AFF3: variants seen among roughly 807,000 people sequenced by gnomAD.
AFF3 encodes ALF transcription elongation factor 3.
AFF3 carries 32 observed loss-of-function variants against 129.7 expected under a neutral mutation model. The observed-to-expected ratio is 0.25, with a 90% CI of 0.19 to 0.33. AFF3 has a LOEUF of 0.33. Among genes scored for constraint, AFF3 ranks in the 10% least tolerant of loss-of-function variants. The probability of loss-of-function intolerance (pLI) is 1.00; values close to 1 mark genes in which losing one functional copy is unlikely to be tolerated. For synonymous variants in AFF3, 644 were observed against 635.4 expected (o/e 1.01, Z -0.20); for missense variants, 1,373 against 1,592.0 (o/e 0.86, Z 2.34).
chr2:99,832,117 C>T (rs976108639), intron 8 of AFF3, among the ~76,000 whole-genome samples: 10 of 152,172 alleles, frequency 6.6e-5, no homozygotes, highest in Non-Finnish European at 1.0e-4. Context: ...ACAAACGCCC[C>T]GTGAAAAGAT....
chr2:99,747,625 T>C (rs1412157549), intron 9 of AFF3, among the ~76,000 whole-genome samples: 1 of 152,218 alleles, frequency 6.6e-6, no homozygotes, highest in East Asian at 1.9e-4. Flanking sequence ...TAGTAAACTT[T>C]AAATTTTAAC....
intron 13 of AFF3, among the ~76,000 whole-genome samples, chr2:99,619,245 T>C (rs147137891): frequency 6.6e-6 from 1 of 152,352 alleles, no homozygotes; most frequent in African/African-American, 2.4e-5. Flanking sequence ...GCTCTGAATG[T>C]CAGCAGCATG....
intron 8 of AFF3, 136 bp downstream of exon 8, chr2:99,837,341 C>G (rs1688955848): frequency 1.2e-6 from 1 of 821,324 alleles, no homozygotes; most frequent in South Asian, 1.8e-5. Context: ...GTTTCAAAAA[C>G]TTATGTGACT....
chr2:99,574,092 G>C (rs1169085290), intron 18 of AFF3, among the ~76,000 whole-genome samples: 1 of 152,214 alleles, frequency 6.6e-6, no homozygotes, highest in African/African-American at 2.4e-5. Flanking sequence ...GTAACTTACA[G>C]CTCATGGCTT....
chr2:99,982,570 G>C (rs1679506146), intron 7 of AFF3, among the ~76,000 whole-genome samples: 1 of 152,164 alleles, frequency 6.6e-6, no homozygotes, highest in Non-Finnish European at 1.5e-5. Context: ...ATCCAGCTTA[G>C]GAGCTTAGGC....
At chr2:100,073,103 A>G (rs999581998) in intron 4 of AFF3, among the ~76,000 whole-genome samples, 1 of 152,196 alleles carries the variant, frequency 6.6e-6, no homozygotes, top group Non-Finnish European at 1.5e-5. Flanking sequence ...ATGCTGTTAC[A>G]GGTTGAATTG....
chr2:100,073,797 T>C (rs1309999733), intron 4 of AFF3, among the ~76,000 whole-genome samples: 1 of 152,214 alleles, frequency 6.6e-6, no homozygotes, highest in African/African-American at 2.4e-5. Flanking sequence ...GTTTATTCTT[T>C]GCCTGTGAAA....
intron 2 of AFF3, among the ~76,000 whole-genome samples, chr2:100,110,777 C>A (rs1691486192): frequency 6.6e-6 from 1 of 152,234 alleles, no homozygotes; most frequent in African/African-American, 2.4e-5. Context: ...GCCCACCCAA[C>A]ATCCATCTGC....
Position 99,548,826 on chromosome 2 carries a change from A to G in AFF3, c.*2648T>C, listed in dbSNP as rs571647080. 6.0e-5 allele frequency: 14 copies of G among 232,694 alleles called. No individual in the cohort carries two copies. The highest frequency in any genetic ancestry group is 2.6e-4 in the African/African-American group (12 of 45,434). 14.4% of individuals were successfully genotyped at this position (232,694 alleles called of 1,614,324 possible). The stretch of plus-strand genomic sequence containing the variant: ...TTATGAATGACTTTCACAAGCAACA[A>G]TTGGAGGATGGTTACTAACCAAAAT... On this transcript the variant is annotated 3_prime_UTR_variant, in exon 25 of 25. Coordinates refer to ENST00000672756, the MANE Select transcript of AFF3 (RefSeq NM_001386135.1).
At chr2:100,080,064 C>A (rs1366121238) in intron 4 of AFF3, among the ~76,000 whole-genome samples, 1 of 152,218 alleles carries the variant, frequency 6.6e-6, no homozygotes, top group Non-Finnish European at 1.5e-5. Flanking sequence ...AGAATAAGAA[C>A]CAGAATTTAC....
intron 8 of AFF3, among the ~76,000 whole-genome samples, chr2:99,826,344 A>T (rs10176488): frequency 1.9e-3 from 285 of 152,284 alleles, no homozygotes; most frequent in African/African-American, 6.6e-3. Flanking sequence ...ACATCAACTA[A>T]GTGCCGGTCA....
At chr2:99,921,689 G>T (rs958159237) in intron 7 of AFF3, among the ~76,000 whole-genome samples, 1 of 151,986 alleles carries the variant, frequency 6.6e-6, no homozygotes, top group East Asian at 1.9e-4. Context: ...AACACAGAAA[G>T]GAATAAATGT....
At chr2:100,112,755 G>C (rs1275334440) in intron 2 of AFF3, among the ~76,000 whole-genome samples, 1 of 152,182 alleles carries the variant, frequency 6.6e-6, no homozygotes, top group Non-Finnish European at 1.5e-5. Flanking sequence ...AAGGTCGTGA[G>C]AGGAGGAAAG....
chr2:99,980,881 G>A (rs1384747704), intron 7 of AFF3, among the ~76,000 whole-genome samples: 1 of 152,204 alleles, frequency 6.6e-6, no homozygotes, highest in African/African-American at 2.4e-5. Context: ...CACCAATCAA[G>A]ATAAGCTCTA....
intron 4 of AFF3, among the ~76,000 whole-genome samples, chr2:100,029,611 C>A (rs1410937869): frequency 6.6e-6 from 1 of 152,060 alleles, no homozygotes; most frequent in Non-Finnish European, 1.5e-5. Context: ...CTAGGGTAGT[C>A]AAATTCATTG....
chr2:99,832,897 T>C (rs1393993754), intron 8 of AFF3, among the ~76,000 whole-genome samples: 2 of 152,124 alleles, frequency 1.3e-5, no homozygotes, highest in Non-Finnish European at 2.9e-5. Context: ...TCACTAATGA[T>C]GAAATCTTTG....
At chr2:99,556,572 C>G (rs143456281) in intron 22 of AFF3, among the ~76,000 whole-genome samples, 1 of 152,088 alleles carries the variant, frequency 6.6e-6, no homozygotes, top group African/African-American at 2.4e-5. Context: ...ACACATATAG[C>G]CAAATTGTCT....
chr2:99,720,478 C>T (rs987005101), intron 11 of AFF3, among the ~76,000 whole-genome samples: 3 of 152,170 alleles, frequency 2.0e-5, no homozygotes, highest in Admixed American at 2.0e-4. Flanking sequence ...GCATAGAAGT[C>T]CTCACCAGAA....
chr2:100,076,547 C>T (rs1428663944), intron 4 of AFF3, among the ~76,000 whole-genome samples: 1 of 152,164 alleles, frequency 6.6e-6, no homozygotes, highest in Non-Finnish European at 1.5e-5. Context: ...GCTCCAGCCC[C>T]GGGAACCCAT....
Sources: allele counts gnomAD v4.1 joint callset (sites outside exome capture counted in the v4.1 genomes callset), GRCh38; gene constraint gnomAD v4.1.1; transcripts MANE v1.5; gene names NCBI Gene and HGNC (gene_info 2026-07-23, HGNC 2026-07-21).